Variants in VSTM4 observed in about 807,000 individuals in gnomAD.
VSTM4 encodes V-set and transmembrane domain-containing protein 4.
A neutral mutation model predicts 36.4 loss-of-function variants in VSTM4; 20 were observed. The ratio of observed to expected loss-of-function variants is 0.55; its 90% CI spans 0.39 to 0.80. The LOEUF (loss-of-function observed/expected upper bound fraction) is 0.80. Ranked by LOEUF, VSTM4 falls within the 30% of genes least tolerant of loss-of-function variation. The probability of loss-of-function intolerance (pLI) is 0.00; values close to 1 mark genes in which losing one functional copy is unlikely to be tolerated. For synonymous variants in VSTM4, 182 were observed against 173.9 expected, an observed-to-expected ratio of 1.05 and a Z score of -0.37; for missense variants, 392 against 404.5, an observed-to-expected ratio of 0.97 and a Z score of 0.26.
chr10:49,040,560 A>C (rs1331763896), intron 7 of VSTM4, among the ~76,000 whole-genome samples: 1 of 152,162 alleles, frequency 6.6e-6, no homozygotes, highest in East Asian at 1.9e-4. Context: ...TGCTGGGATT[A>C]CAGGCATGAG....
chr10:49,099,452 C>A (rs1485328798), intron 2 of VSTM4, among the ~76,000 whole-genome samples: 1 of 152,140 alleles, frequency 6.6e-6, no homozygotes, highest in Non-Finnish European at 1.5e-5. Context: ...GAACATTTCC[C>A]AATTTTGCAT....
At chr10:49,076,070 TG>T (rs1229317327) in intron 4 of VSTM4, among the ~76,000 whole-genome samples, 2 of 152,140 alleles carry the variant, frequency 1.3e-5, no homozygotes, top group Non-Finnish European at 2.9e-5. Context: ...CAGCATCCCA[TG>T]GGTACTTGTC....
At chr10:49,087,067 A>G (rs1844383163) in intron 2 of VSTM4, among the ~76,000 whole-genome samples, 1 of 152,010 alleles carries the variant, frequency 6.6e-6, no homozygotes, top group Admixed American at 6.6e-5. Context: ...TCAATTCTGA[A>G]TTTTCCTTCC....
chr10:49,035,443 A>T (rs1843412922), intron 7 of VSTM4, among the ~76,000 whole-genome samples: 2 of 152,156 alleles, frequency 1.3e-5, no homozygotes, highest in South Asian at 4.1e-4. Context: ...TCTAGAACAA[A>T]GTGGGGACAA....
At chr10:49,093,311 T>C (rs1844511541) in intron 2 of VSTM4, among the ~76,000 whole-genome samples, 1 of 152,148 alleles carries the variant, frequency 6.6e-6, no homozygotes, top group African/African-American at 2.4e-5. Context: ...CCTAAAGGTT[T>C]GAGCAGCAGG....
At chr10:49,086,114 G>A in intron 2 of VSTM4, 91 bp from the exon 3 acceptor site, 1 of 785,852 alleles carries the variant, frequency 1.3e-6, no homozygotes, top group Non-Finnish European at 2.0e-6. Flanking sequence ...TTCTACATTT[G>A]CAAAACCACA....
chr10:49,086,050 G>A (rs373630221), intron 2 of VSTM4, 27 bp from the exon 3 acceptor site: 32 of 1,506,892 alleles, frequency 2.1e-5, no homozygotes, highest in Non-Finnish European at 2.3e-5. Flanking sequence ...AAACAGCACA[G>A]TATGAAAAAA....
At position 49,017,709 on chromosome 10, in the gene VSTM4, C is replaced by T. The variant is rs2175916; in HGVS notation, c.*1941G>A. On this transcript the variant is annotated 3_prime_UTR_variant, in exon 8 of 8. Coordinates refer to ENST00000332853, the MANE Select transcript of VSTM4 (RefSeq NM_001031746.5). The stretch of plus-strand genomic sequence containing the variant: ...CTTCCCGCCATTTCCTTTTCATGTG[C>T]CCCCTCTCCTTCCCATTTGGCACCC... 0.15 allele frequency: 23,511 copies of T among 152,162 alleles called. 2,027 individuals are homozygous for T. Among genetic ancestry groups the T allele is most frequent in the South Asian group, 0.36 (1,739 of 4,808 alleles). 9.4% of individuals were successfully genotyped at this position (152,162 alleles called of 1,614,324 possible).
chr10:49,113,945 G>C (rs1197971677), intron 1 of VSTM4, among the ~76,000 whole-genome samples: 1 of 152,034 alleles, frequency 6.6e-6, no homozygotes, highest in Non-Finnish European at 1.5e-5. Flanking sequence ...CAAGGCTCCC[G>C]AGGGCTCTGG....
At chr10:49,092,450 T>C (rs1844492281) in intron 2 of VSTM4, among the ~76,000 whole-genome samples, 1 of 152,134 alleles carries the variant, frequency 6.6e-6, no homozygotes, top group African/African-American at 2.4e-5. Flanking sequence ...AACTCAAAAC[T>C]AAACCAATGC....
Position 49,064,330 on chromosome 10 carries a change from G to A in VSTM4, c.668+373C>T, listed in dbSNP as rs561961868. ...AGTGTGCCTCACCAGCTAAAAGCAG[G>A]GCATACAGTAAGTCAGCATTGGTGA... On this transcript the variant is annotated intron_variant, in intron 5 of 7. Transcript: ENST00000332853. 11 of 237,012 alleles carry A rather than the reference G, an allele frequency of 4.6e-5. No individual in the cohort carries two copies. In the East Asian group the frequency reaches 1.3e-3, roughly 27 times the overall value. 14.7% of individuals were successfully genotyped at this position (237,012 alleles called of 1,614,324 possible). A position where few individuals can be genotyped will look rare whatever the true frequency, so the allele number is the denominator to read the frequency against.
chr10:49,102,337 T>C, intron 2 of VSTM4: 1 of 879,790 alleles, frequency 1.1e-6, no homozygotes, highest in Non-Finnish European at 1.4e-6. Flanking sequence ...GGTTTCACCA[T>C]GTTGGCCAGG....
intron 7 of VSTM4, among the ~76,000 whole-genome samples, chr10:49,045,945 G>C (rs950854816): frequency 1.3e-5 from 2 of 152,126 alleles, no homozygotes; most frequent in African/African-American, 4.8e-5. Flanking sequence ...ATTGGGTTAG[G>C]GGGTGGTTTC....
intron 2 of VSTM4, among the ~76,000 whole-genome samples, chr10:49,093,094 A>G (rs929095056): frequency 2.6e-5 from 4 of 152,150 alleles, no homozygotes; most frequent in African/African-American, 9.7e-5. Context: ...CTTCCAGTAC[A>G]CCAAGGCACG....
intron 7 of VSTM4, among the ~76,000 whole-genome samples, chr10:49,043,724 T>TA (rs1408905768): frequency 3.9e-5 from 6 of 152,230 alleles, no homozygotes; most frequent in Middle Eastern, 3.4e-3. Context: ...TAAGGTAAAA[T>TA]AAAAAAGAGT....
intron 7 of VSTM4, 81 bp downstream of exon 7, chr10:49,046,902 A>C: frequency 7.4e-7 from 1 of 1,356,790 alleles, no homozygotes; most frequent in Non-Finnish European, 1.0e-6. Flanking sequence ...GTATGTTTTG[A>C]GTTAATAAAG....
chr10:49,062,231 A>G (rs1413650659), intron 5 of VSTM4, among the ~76,000 whole-genome samples: 1 of 152,192 alleles, frequency 6.6e-6, no homozygotes, highest in African/African-American at 2.4e-5. Context: ...ACTCACGACT[A>G]TTCATGGAAA....
intron 5 of VSTM4, among the ~76,000 whole-genome samples, chr10:49,051,073 G>A (rs576044449): frequency 2.0e-5 from 3 of 152,170 alleles, no homozygotes; most frequent in African/African-American, 7.2e-5. Flanking sequence ...AAAGTCCACA[G>A]GTCACCTTAG....
chr10:49,107,854 T>C lies in VSTM4; in HGVS notation c.197A>G (p.His66Arg), dbSNP rs778293316. The change falls in exon 2 of 8, where the codon CAC becomes CGC. Residue 66 changes from histidine to arginine, a missense_variant. By Grantham distance (29) the His-to-Arg change is conservative. Transcript: ENST00000332853. ...CAAGGCCTCCTGGGAGTCGAAGGAG[T>C]GTGCAAAGAACCAGCGCACGGCCAG... ...SLLAVRWFFA[H>R]SFDSQEALMV... is the part of the protein sequence containing the mutation. The C allele has an allele frequency of 2.5e-6, 4 of 1,614,044 alleles. No individual in the cohort carries two copies. The highest frequency in any genetic ancestry group is 1.6e-4 in the Middle Eastern group (1 of 6,062).
Sources: gnomAD v4.1 joint callset for allele counts (sites outside exome capture counted in the v4.1 genomes callset) on GRCh38, gnomAD v4.1.1 for gene constraint, MANE v1.5 for transcripts, NCBI Gene and HGNC (gene_info 2026-07-23, HGNC 2026-07-21) for gene names.